Variants in ZNF592 observed in about 807,000 individuals in gnomAD.
ZNF592 encodes the protein zinc finger protein 592.
ZNF592 carries 11 observed loss-of-function variants against 80.3 expected under a neutral mutation model. That is an observed-to-expected ratio of 0.14 (90% CI 0.09 to 0.23). The LOEUF (loss-of-function observed/expected upper bound fraction) is 0.23. Ranked by LOEUF, ZNF592 falls within the 10% of genes least tolerant of loss-of-function variation. The pLI, the probability that ZNF592 is intolerant of heterozygous loss-of-function variation, is 1.00. For synonymous variants in ZNF592, 646 were observed against 640.3 expected, an observed-to-expected ratio of 1.01 and a Z score of -0.13; for missense variants, 1,420 against 1,633.9, an observed-to-expected ratio of 0.87 and a Z score of 2.26.
chr15:84,782,829 G>C lies in ZNF592; in HGVS notation c.154G>C (p.Val52Leu). 6.2e-7 allele frequency: 1 copy of C among 1,614,128 alleles called. No homozygotes were observed. Among genetic ancestry groups the C allele is most frequent in the Non-Finnish European group, 8.5e-7 (1 of 1,180,030 alleles). ...KPPGICMDES[V>L]SLSHSGSAPD... ...TCCAGGCATATGTATGGATGAAAGT[G>C]TGTCCTTGTCTCACTCAGGATCAGC... The change falls in exon 4 of 11, where the codon GTG (valine) becomes CTG (leucine). Residue 52 changes from valine to leucine, a missense_variant. By Grantham distance (32) the Val-to-Leu change is conservative (BLOSUM62 1). Around this residue, in one of 7 missense-constraint regions of ZNF592, gnomAD observed 373 missense variants for 355.5 expected, o/e 1.05. Transcript: ENST00000560079.
Position 84,783,067 on chromosome 15 carries a change from A to G in ZNF592, c.392A>G (p.Lys131Arg). The change falls in exon 4 of 11, where the codon AAG becomes AGG. Residue 131 changes from lysine to arginine, a missense_variant. Physicochemically the swap from Lys to Arg is conservative, Grantham distance 26. Coordinates refer to ENST00000560079, the MANE Select transcript of ZNF592 (RefSeq NM_014630.3). The surrounding 1 kb of genome is among the most constrained non-coding windows in gnomAD (Gnocchi z 5.0). ...RSFPGKLEPP[K>R]SEPLPTFNQF... Reference sequence around the variant, plus strand: ...TTCCCTGGCAAACTGGAGCCTCCCAAGTCAGAGCCATTACCCACCTTCAAC... The same window carrying G: ...TTCCCTGGCAAACTGGAGCCTCCCAGGTCAGAGCCATTACCCACCTTCAAC... The G allele has an allele frequency of 6.2e-7, 1 of 1,614,174 alleles. No homozygotes were observed. Among genetic ancestry groups the G allele is most frequent in the South Asian group, 1.1e-5 (1 of 91,074 alleles).
At chr15:84,749,966 A>G (rs1244053557) in intron 1 of ZNF592, among the ~76,000 whole-genome samples, 2 of 152,262 alleles carry the variant, frequency 1.3e-5, no homozygotes, top group Non-Finnish European at 2.9e-5. Context: ...TAAGCCAGAA[A>G]GATACCATGT....
intron 2 of ZNF592, among the ~76,000 whole-genome samples, chr15:84,768,055 A>AT (rs201787207): frequency 9.2e-5 from 9 of 97,732 alleles, no homozygotes; most frequent in Non-Finnish European, 1.7e-4. Context: ...TTTAATTTTA[A>AT]TTTTAATTTT....
chr15:84,750,926 T>A (rs1898995553), intron 1 of ZNF592, among the ~76,000 whole-genome samples: 2 of 152,150 alleles, frequency 1.3e-5, no homozygotes, highest in Admixed American at 1.3e-4. Flanking sequence ...GTATCTCCAG[T>A]GTAATTAGGA....
intron 1 of ZNF592, among the ~76,000 whole-genome samples, 196 bp from the exon 2 acceptor site, chr15:84,764,511 G>A (rs1437502009): frequency 6.6e-6 from 1 of 152,142 alleles, no homozygotes; most frequent in Non-Finnish European, 1.5e-5. Flanking sequence ...TAGAGGGAGG[G>A]GAGCAGACGT....
intron 4 of ZNF592, among the ~76,000 whole-genome samples, chr15:84,788,232 G>C (rs563993160): frequency 6.6e-6 from 1 of 152,312 alleles, no homozygotes; most frequent in South Asian, 2.1e-4. Context: ...TAATGAGAGT[G>C]AATTTAGGTG....
intron 1 of ZNF592, among the ~76,000 whole-genome samples, chr15:84,763,025 A>G (rs1899397248): frequency 6.6e-6 from 1 of 152,154 alleles, no homozygotes; most frequent in Admixed American, 6.5e-5. Flanking sequence ...CTCAATACCA[A>G]ATTGAAGGAA....
chr15:84,786,995 T>C (rs1478012088), intron 4 of ZNF592, among the ~76,000 whole-genome samples: 1 of 151,652 alleles, frequency 6.6e-6, no homozygotes, highest in Non-Finnish European at 1.5e-5. Context: ...CGACTACAGG[T>C]GTGCGCCACC....
In ZNF592 at chr15:84,798,548, T is replaced by C; in HGVS notation, c.2737-40T>C. 1 of 1,613,988 alleles carries C rather than the reference T, an allele frequency of 6.2e-7. No homozygotes were observed. The highest frequency in any genetic ancestry group is 8.5e-7 in the Non-Finnish European group (1 of 1,179,994). On this transcript the variant is annotated intron_variant, in intron 7 of 10. Coordinates refer to ENST00000560079, the MANE Select transcript of ZNF592 (RefSeq NM_014630.3). This position sits in a 1 kb window ranked among gnomAD's most constrained non-coding sequence, Gnocchi z 4.5. ...GCTGGGGGTCTGACTCTGTGCATCT[T>C]TCCCCTTGCCCAGTCAGTAATCGCT...
intron 2 of ZNF592, among the ~76,000 whole-genome samples, chr15:84,768,009 T>C (rs1899579177): frequency 6.6e-6 from 1 of 151,862 alleles, no homozygotes; most frequent in East Asian, 1.9e-4. Context: ...TTTGAGTAGC[T>C]GGGACTACAG....
intron 1 of ZNF592, among the ~76,000 whole-genome samples, chr15:84,763,129 C>T (rs1899400841): frequency 6.6e-6 from 1 of 152,180 alleles, no homozygotes. Context: ...GTCCAAAGTA[C>T]AGGGGCAGCT....
At chr15:84,786,841 CTTTTTTTTTTTTT>C (rs35391255) in intron 4 of ZNF592, among the ~76,000 whole-genome samples, 6 of 70,818 alleles carry the variant, frequency 8.5e-5, no homozygotes, top group Admixed American at 1.8e-4. Flanking sequence ...CCTTACGTAT[CTTTTTTTTTTTTT>C]TTTTTTTTTT....
At chr15:84,788,400 A>AT (rs1167413012) in intron 4 of ZNF592, among the ~76,000 whole-genome samples, 2 of 152,104 alleles carry the variant, frequency 1.3e-5, no homozygotes, top group African/African-American at 4.8e-5. Context: ...TATAAAGTAT[A>AT]TTTTTTGCTT....
rs146493110 is a variant in ZNF592 at position 84,762,651 on chromosome 15, G to T, written c.-258-2056G>T. ...AAATAAGCCTTATCCCCTGTATTTG[G>T]TGGAGAGATTTGAAGGGTAACTGTG... On this transcript the variant is annotated intron_variant, in intron 1 of 10. Coordinates refer to ENST00000560079, the MANE Select transcript of ZNF592 (RefSeq NM_014630.3). 3.5e-3 allele frequency among the ~76,000 whole-genome samples: 531 copies of T among 152,268 alleles called. 5 individuals are homozygous for T. The highest frequency in any genetic ancestry group is 5.4e-3 in the Non-Finnish European group (366 of 68,028).
At chr15:84,779,760 C>T (rs1264113197) in intron 3 of ZNF592, among the ~76,000 whole-genome samples, 1 of 152,168 alleles carries the variant, frequency 6.6e-6, no homozygotes, top group Non-Finnish European at 1.5e-5. Flanking sequence ...TGACCATTCT[C>T]AGTCAATCCC....
At chr15:84,752,990 C>T (rs1409301774) in intron 1 of ZNF592, 1 of 152,200 alleles carries the variant, frequency 6.6e-6, no homozygotes, top group Non-Finnish European at 1.5e-5. Context: ...TACTAACAAA[C>T]ACTTGCTCCT....
intron 1 of ZNF592, among the ~76,000 whole-genome samples, chr15:84,757,339 CT>C (rs34466288): frequency 0.77 from 92,723 of 120,596 alleles, 35,524 homozygotes; most frequent in East Asian, 0.92. Flanking sequence ...TCTTTCTTTC[CT>C]TTTTTTTTTT....
chr15:84,791,492 A>G (rs984001298), intron 5 of ZNF592, among the ~76,000 whole-genome samples: 1 of 152,228 alleles, frequency 6.6e-6, no homozygotes, highest in Non-Finnish European at 1.5e-5. Context: ...AAGTGAGGGA[A>G]AAAACTTCCC....
At position 84,785,312 on chromosome 15, in the gene ZNF592, CT is replaced by C. The variant is rs749939763; in HGVS notation, c.2220+431del. On this transcript the variant is annotated intron_variant, in intron 4 of 10. Transcript: ENST00000560079. ...CCTCAGTCTGTTCTAAGAACTTTGT[CT>C]TTTTTTTTTTTTTCTTGAGACGGAG... 1.6e-3 allele frequency among the ~76,000 whole-genome samples: 226 copies of C among 144,464 alleles called. 3 individuals are homozygous for C. Among genetic ancestry groups the C allele is most frequent in the South Asian group, 7.3e-3 (33 of 4,528 alleles). The allele number at this position is 144,464 out of a possible 152,430, so 94.8% of individuals were successfully genotyped here.
Sources: gnomAD v4.1 joint callset for allele counts (sites outside exome capture counted in the v4.1 genomes callset) on GRCh38, gnomAD v4.1.1 for gene constraint, gnomAD v4.1.1 regional missense constraint, Gnocchi (gnomAD v3.1) non-coding constraint, MANE v1.5 for transcripts, NCBI Gene and HGNC (gene_info 2026-07-23, HGNC 2026-07-21) for gene names.